The following STIM2 variants were observed in gnomAD, a reference collection of about 807,000 sequenced individuals.
The protein encoded by STIM2 is stromal interaction molecule 2.
Under a neutral mutation model 85.8 loss-of-function variants are expected in STIM2, and 31 were observed. The ratio of observed to expected loss-of-function variants is 0.36; its 90% CI spans 0.27 to 0.49. The LOEUF (loss-of-function observed/expected upper bound fraction) is 0.49, where lower values mean the gene tolerates loss of function less well. Among genes scored for constraint, STIM2 ranks in the 20% least tolerant of loss-of-function variants. The pLI is 0.98. For missense variants in STIM2, 841 were observed against 927.6 expected (o/e 0.91, Z 1.21); for synonymous variants, 356 against 331.1 (o/e 1.08, Z -0.82).
intron 1 of STIM2, among the ~76,000 whole-genome samples, chr4:26,883,491 A>G (rs1280639349): frequency 6.6e-6 from 1 of 152,076 alleles, no homozygotes; most frequent in Non-Finnish European, 1.5e-5. Context: ...AGGGATTGGC[A>G]CAATGTCTTG....
At chr4:26,914,612 T>G (rs986325643) in intron 1 of STIM2, among the ~76,000 whole-genome samples, 4 of 152,238 alleles carry the variant, frequency 2.6e-5, no homozygotes, top group Admixed American at 1.3e-4. Context: ...GAATTGTATT[T>G]AGAAGCTAAT....
chr4:26,979,161 G>A (rs1163090116), intron 3 of STIM2, among the ~76,000 whole-genome samples: 1 of 152,024 alleles, frequency 6.6e-6, no homozygotes, highest in Non-Finnish European at 1.5e-5. Flanking sequence ...CTATTGCCTG[G>A]TACTTTTTAC....
At chr4:26,955,044 C>T (rs1443940783) in intron 2 of STIM2, among the ~76,000 whole-genome samples, 1 of 145,574 alleles carries the variant, frequency 6.9e-6, no homozygotes, top group Admixed American at 6.7e-5. Context: ...AAATTAAATT[C>T]CTTAGAAATA....
chr4:26,959,162 C>G (rs979564402), intron 3 of STIM2, among the ~76,000 whole-genome samples: 1 of 152,158 alleles, frequency 6.6e-6, no homozygotes, highest in African/African-American at 2.4e-5. Context: ...TAGTCCAAAT[C>G]TTTACAAAGA....
chr4:26,994,247 C>A (rs968645316), intron 3 of STIM2, among the ~76,000 whole-genome samples: 6 of 152,094 alleles, frequency 3.9e-5, no homozygotes, highest in Admixed American at 3.9e-4. Flanking sequence ...TGTCTTAAAA[C>A]AACTTTTGAT....
chr4:26,887,983 G>A (rs1052220276), intron 1 of STIM2, among the ~76,000 whole-genome samples: 7 of 152,164 alleles, frequency 4.6e-5, no homozygotes, highest in Admixed American at 4.6e-4. Flanking sequence ...TGCAGTCGTG[G>A]GGCAGAATAT....
intron 2 of STIM2, among the ~76,000 whole-genome samples, chr4:26,940,497 A>T (rs1337399309): frequency 1.3e-5 from 2 of 152,092 alleles, no homozygotes; most frequent in African/African-American, 4.8e-5. Flanking sequence ...TGGACCCATC[A>T]CTGCCTTCCT....
intron 1 of STIM2, among the ~76,000 whole-genome samples, chr4:26,880,613 A>ATATATGTAAATATATATATAAATG (rs1297439889): frequency 6.8e-6 from 1 of 146,656 alleles, no homozygotes; most frequent in African/African-American, 2.5e-5. Flanking sequence ...ATATATAAAT[A>ATATATGTAAATATATATATAAATG]TATATGTAAA....
chr4:26,909,197 T>C (rs1423408568), intron 1 of STIM2, among the ~76,000 whole-genome samples: 3 of 152,204 alleles, frequency 2.0e-5, no homozygotes, highest in Non-Finnish European at 4.4e-5. Context: ...ATTAACTAAT[T>C]ACTGTAGGCA....
At chr4:26,879,591 G>A (rs1273890609) in intron 1 of STIM2, among the ~76,000 whole-genome samples, 1 of 152,032 alleles carries the variant, frequency 6.6e-6, no homozygotes, top group Non-Finnish European at 1.5e-5. Context: ...AGAGCAGTAG[G>A]TATTATATGT....
At chr4:26,983,519 T>C (rs1727477885) in intron 3 of STIM2, among the ~76,000 whole-genome samples, 1 of 152,234 alleles carries the variant, frequency 6.6e-6, no homozygotes, top group Non-Finnish European at 1.5e-5. Flanking sequence ...AGAAAAATCA[T>C]ATATAATTGA....
intron 3 of STIM2, among the ~76,000 whole-genome samples, chr4:26,958,802 C>T (rs956439382): frequency 2.6e-5 from 4 of 152,202 alleles, no homozygotes; most frequent in Admixed American, 1.3e-4. Context: ...GTGGGGAACT[C>T]AGCAACAAAC....
intron 1 of STIM2, among the ~76,000 whole-genome samples, chr4:26,902,665 A>G (rs1723967893): frequency 6.6e-6 from 1 of 152,096 alleles, no homozygotes; most frequent in South Asian, 2.1e-4. Context: ...GAAATTTCTG[A>G]TTTGAGTTCT....
chr4:26,885,374 G>A (rs1723177396), intron 1 of STIM2, among the ~76,000 whole-genome samples: 1 of 152,078 alleles, frequency 6.6e-6, no homozygotes, highest in African/African-American at 2.4e-5. Flanking sequence ...CTTGAAATCA[G>A]TATGTGCCTT....
At chr4:26,957,586 T>C (rs933889334) in intron 2 of STIM2, 26 bp from the exon 3 acceptor site, 1 of 1,279,830 alleles carries the variant, frequency 7.8e-7, no homozygotes, top group Non-Finnish European at 1.1e-6. Flanking sequence ...GAATTTATAT[T>C]TAACTTAATG....
chr4:26,954,510 A>G (rs1241610096), intron 2 of STIM2, among the ~76,000 whole-genome samples: 1 of 148,570 alleles, frequency 6.7e-6, no homozygotes, highest in Admixed American at 6.6e-5. Flanking sequence ...AATAAGAAGT[A>G]TTTGTCTTTT....
chr4:27,007,527 T>C lies in STIM2; in HGVS notation c.982-6T>C, dbSNP rs1315193576. ...CTTTCTTGCCTCCTTCCTTTCCTTC[T>C]TCTAGGTTCGCATGGCTCTGAAAAA... On this transcript the variant is annotated splice_polypyrimidine_tract_variant and splice_region_variant and intron_variant, in intron 7 of 11. Coordinates refer to ENST00000467087, the MANE Select transcript of STIM2 (RefSeq NM_020860.4). 9 of 1,505,788 alleles carry C rather than the reference T, an allele frequency of 6.0e-6. No homozygotes were observed. The highest frequency in any genetic ancestry group is 6.2e-6 in the Non-Finnish European group (7 of 1,122,146). 93.3% of individuals were successfully genotyped at this position (1,505,788 alleles called of 1,614,324 possible).
chr4:26,884,244 A>G (rs528983920), intron 1 of STIM2, among the ~76,000 whole-genome samples: 9 of 152,302 alleles, frequency 5.9e-5, no homozygotes, highest in Non-Finnish European at 8.8e-5. Context: ...ATGAAATAAC[A>G]TGTGTTCTCC....
chr4:26,869,996 G>T (rs190156278), intron 1 of STIM2, among the ~76,000 whole-genome samples: 1 of 152,018 alleles, frequency 6.6e-6, no homozygotes, highest in East Asian at 1.9e-4. Flanking sequence ...AGAAAATCCT[G>T]CCATTTGCGG....
Sources: gnomAD v4.1 joint callset for allele counts (sites outside exome capture counted in the v4.1 genomes callset) on GRCh38, gnomAD v4.1.1 for gene constraint, MANE v1.5 for transcripts, NCBI Gene and HGNC (gene_info 2026-07-23, HGNC 2026-07-21) for gene names.